GRM8: variants seen among roughly 807,000 people sequenced by gnomAD.
GRM8 encodes the protein glutamate metabotropic receptor 8, also known as metabotropic glutamate receptor 8.
Under a neutral mutation model 87.2 loss-of-function variants are expected in GRM8, and 47 were observed. That is an observed-to-expected ratio of 0.54 (90% CI 0.43 to 0.69). The LOEUF (loss-of-function observed/expected upper bound fraction) is 0.69. GRM8 is among the 30% of genes least tolerant of loss of function. The pLI, the probability that GRM8 is intolerant of heterozygous loss-of-function variation, is 0.00. For missense variants in GRM8, 1,019 were observed against 1,139.2 expected, an observed-to-expected ratio of 0.89 and a Z score of 1.52; for synonymous variants, 396 against 404.5, an observed-to-expected ratio of 0.98 and a Z score of 0.25.
chr7:126,697,497 T>A (rs1036648058), intron 7 of GRM8, among the ~76,000 whole-genome samples: 1 of 152,170 alleles, frequency 6.6e-6, no homozygotes, highest in Non-Finnish European at 1.5e-5. Flanking sequence ...GTAATATACA[T>A]TTATCAAAGC....
intron 3 of GRM8, among the ~76,000 whole-genome samples, chr7:127,089,040 A>G (rs1010644370): frequency 6.6e-6 from 1 of 152,210 alleles, no homozygotes; most frequent in Non-Finnish European, 1.5e-5. Flanking sequence ...GTCCACCTGG[A>G]GCCTCAGAAT....
chr7:126,882,706 C>A (rs1375292372), intron 6 of GRM8, among the ~76,000 whole-genome samples: 3 of 152,004 alleles, frequency 2.0e-5, no homozygotes. Flanking sequence ...AATGTTTCAT[C>A]CTCCAGAGTT....
chr7:126,574,781 ATT>A (rs983270735), intron 8 of GRM8, among the ~76,000 whole-genome samples: 2 of 151,838 alleles, frequency 1.3e-5, no homozygotes, highest in African/African-American at 2.4e-5. Context: ...GCTCCTTTTA[ATT>A]TTTTTTAGAC....
intron 6 of GRM8, among the ~76,000 whole-genome samples, chr7:126,848,384 C>G (rs1425294923): frequency 1.3e-5 from 2 of 152,138 alleles, no homozygotes; most frequent in African/African-American, 2.4e-5. Context: ...ATTTTGAACA[C>G]TTAGCACCAA....
intron 2 of GRM8, among the ~76,000 whole-genome samples, chr7:127,129,412 T>G (rs925627579): frequency 6.6e-6 from 1 of 152,210 alleles, no homozygotes; most frequent in Non-Finnish European, 1.5e-5. Context: ...AAACCAAACT[T>G]CTTGTTAGTA....
chr7:127,142,496 G>A (rs1407128497), intron 2 of GRM8, among the ~76,000 whole-genome samples: 1 of 152,142 alleles, frequency 6.6e-6, no homozygotes, highest in Non-Finnish European at 1.5e-5. Flanking sequence ...GTATTGCAAA[G>A]AATGACCTAT....
At chr7:126,700,933 C>A (rs1809852892) in intron 7 of GRM8, among the ~76,000 whole-genome samples, 1 of 152,080 alleles carries the variant, frequency 6.6e-6, no homozygotes, top group South Asian at 2.1e-4. Flanking sequence ...ATTTGTTTCT[C>A]TACTATATTT....
intron 7 of GRM8, among the ~76,000 whole-genome samples, chr7:126,675,092 C>T (rs1341863161): frequency 6.6e-6 from 1 of 152,124 alleles, no homozygotes; most frequent in Non-Finnish European, 1.5e-5. Context: ...AGGGCCTTTA[C>T]AAAGTACATA....
At chr7:126,969,067 C>T (rs1175784166) in intron 3 of GRM8, among the ~76,000 whole-genome samples, 1 of 152,088 alleles carries the variant, frequency 6.6e-6, no homozygotes, top group Admixed American at 6.6e-5. Flanking sequence ...AAAAAATGTA[C>T]ACACATTAAC....
chr7:127,209,354 T>G (rs1490287894), intron 2 of GRM8, among the ~76,000 whole-genome samples: 5 of 152,206 alleles, frequency 3.3e-5, no homozygotes, highest in Non-Finnish European at 5.9e-5. Context: ...CTGTCCAGTA[T>G]GAAACCCAGC....
At chr7:127,050,057 G>A (rs555975666) in intron 3 of GRM8, among the ~76,000 whole-genome samples, 1 of 152,272 alleles carries the variant, frequency 6.6e-6, no homozygotes, top group East Asian at 1.9e-4. Flanking sequence ...CACTTAGGAA[G>A]GATTTTTAGC....
chr7:126,812,323 A>G (rs1380637487), intron 6 of GRM8, among the ~76,000 whole-genome samples: 4 of 152,016 alleles, frequency 2.6e-5, no homozygotes, highest in Non-Finnish European at 5.9e-5. Context: ...CGAACATTAC[A>G]GACTGTACTT....
chr7:126,552,786 G>C (rs540338065), intron 8 of GRM8, among the ~76,000 whole-genome samples: 18 of 152,052 alleles, frequency 1.2e-4, no homozygotes, highest in Admixed American at 6.5e-5. Context: ...AGTTTCCAAT[G>C]ATAAAATCAT....
At chr7:127,198,563 T>C (rs1040617981) in intron 2 of GRM8, among the ~76,000 whole-genome samples, 7 of 152,188 alleles carry the variant, frequency 4.6e-5, no homozygotes, top group Non-Finnish European at 1.0e-4. Flanking sequence ...GTTCCTTTCA[T>C]TGAGAGATGT....
At chr7:127,185,299 A>G (rs1794675256) in intron 2 of GRM8, among the ~76,000 whole-genome samples, 1 of 152,108 alleles carries the variant, frequency 6.6e-6, no homozygotes, top group Non-Finnish European at 1.5e-5. Flanking sequence ...TGAGCTCAGA[A>G]ATAGACCCAA....
intron 7 of GRM8, among the ~76,000 whole-genome samples, chr7:126,645,239 G>C (rs1802903900): frequency 6.6e-6 from 1 of 152,178 alleles, no homozygotes; most frequent in South Asian, 2.1e-4. Context: ...CTGCTCTGGA[G>C]TCATGTGGCC....
chr7:126,777,035 C>T (rs1248065735), intron 6 of GRM8, among the ~76,000 whole-genome samples: 3 of 152,134 alleles, frequency 2.0e-5, no homozygotes, highest in Admixed American at 2.0e-4. Flanking sequence ...TCTGCACTAA[C>T]AAAAATACCA....
At chr7:126,868,620 C>T (rs1318835942) in intron 6 of GRM8, 1 of 152,216 alleles carries the variant, frequency 6.6e-6, no homozygotes, top group Non-Finnish European at 1.5e-5. Context: ...TAGACTACCA[C>T]AATAAAGTGA....
rs73449240 is a variant in GRM8, at chr7:126,579,491, C to A, written c.1494+29871G>T. 3.3e-3 allele frequency among the ~76,000 whole-genome samples: 505 copies of A among 152,306 alleles called. 3 individuals carry two copies. Among genetic ancestry groups the A allele is most frequent in the African/African-American group, 0.011 (462 of 41,568 alleles). ...AGTGCAGTAACATGCTGACTGGAATCAGCCTCAACACTGGAATAGTGACAT... is the reference window on the plus strand; with the variant it reads ...AGTGCAGTAACATGCTGACTGGAATAAGCCTCAACACTGGAATAGTGACAT... On this transcript the variant is annotated intron_variant, in intron 8 of 10. Coordinates refer to ENST00000339582, the MANE Select transcript of GRM8 (RefSeq NM_000845.3).
Sources: gnomAD v4.1 joint callset for allele counts (sites outside exome capture counted in the v4.1 genomes callset) on GRCh38, gnomAD v4.1.1 for gene constraint, MANE v1.5 for transcripts, NCBI Gene and HGNC (gene_info 2026-07-23, HGNC 2026-07-21) for gene names.